The following KALRN variants were observed in gnomAD, a reference collection of about 807,000 sequenced individuals.
KALRN encodes the protein kalirin.
A neutral mutation model predicts 353.7 loss-of-function variants in KALRN; 70 were observed. That is an observed-to-expected ratio of 0.20 (90% confidence interval 0.16 to 0.24). The LOEUF is 0.24. Ranked by LOEUF, KALRN falls within the 10% of genes least tolerant of loss-of-function variation. The probability of loss-of-function intolerance (pLI) is 1.00; values close to 1 mark genes in which losing one functional copy is unlikely to be tolerated. For missense variants in KALRN, 2,791 were observed against 3,756.7 expected (o/e 0.74, Z 6.72); for synonymous variants, 1,391 against 1,434.8 (o/e 0.97, Z 0.69).
In KALRN at chr3:124,318,072, G is replaced by A. The variant is rs368164376; in HGVS notation, c.1093-7908G>A. Among the ~76,000 whole-genome samples, 61 of 152,266 alleles carry A rather than the reference G, an allele frequency of 4.0e-4. No homozygotes were observed. The South Asian group carries it at 0.013, about 32-fold the overall frequency. ...GTTTCCTGTGGCCTTTGGACATATG[G>A]CCAGGCGCTTGTTTTCATGGCTGCT... On this transcript the variant is annotated intron_variant, in intron 6 of 59. Transcript: ENST00000682506.
Position 124,492,781 on chromosome 3 carries a change from T to A in KALRN, c.4731T>A (p.Ile1577=), listed in dbSNP as rs765331355. 6.2e-7 allele frequency: 1 copy of A among 1,614,008 alleles called. No individual in the cohort carries two copies. Among genetic ancestry groups the A allele is most frequent in the Non-Finnish European group, 8.5e-7 (1 of 1,179,996 alleles). The change falls in exon 32 of 60, where the codon ATT becomes ATA. Residue 1577 remains isoleucine, a synonymous_variant. Coordinates refer to ENST00000682506, the MANE Select transcript of KALRN (RefSeq NM_001388419.1). ...CCAAGCAGGAGTGGATCAAGAACAT[T>A]CGAGAAGTGATTCAAGAAAGGATCA... ...IETKQEWIKN[I]REVIQERIIH... is the part of the protein sequence containing the mutation.
chr3:124,361,985 A>C (rs2084097131), intron 10 of KALRN, among the ~76,000 whole-genome samples: 1 of 152,070 alleles, frequency 6.6e-6, no homozygotes, highest in Non-Finnish European at 1.5e-5. Context: ...TGAGGTGGGC[A>C]ATGCTTTCCA....
intron 4 of KALRN, among the ~76,000 whole-genome samples, chr3:124,266,826 T>C (rs2073615075): frequency 6.6e-6 from 1 of 152,232 alleles, no homozygotes; most frequent in Non-Finnish European, 1.5e-5. Context: ...TCCAGAACAC[T>C]AGAAGTCCTG....
At chr3:124,623,010 C>G (rs2079454292) in intron 34 of KALRN, among the ~76,000 whole-genome samples, 1 of 152,044 alleles carries the variant, frequency 6.6e-6, no homozygotes, top group African/African-American at 2.4e-5. Context: ...TTAGTTATAT[C>G]AGATATAATA....
intron 11 of KALRN, among the ~76,000 whole-genome samples, chr3:124,388,391 C>T (rs2088773374): frequency 6.6e-6 from 1 of 151,956 alleles, no homozygotes; most frequent in African/African-American, 2.4e-5. Context: ...CAGACAAGAG[C>T]AGAGCACTGT....
chr3:124,078,204 T>C (rs1226436815), intron 1 of KALRN, among the ~76,000 whole-genome samples: 1 of 152,160 alleles, frequency 6.6e-6, no homozygotes, highest in African/African-American at 2.4e-5. Flanking sequence ...GCTGTAGGTA[T>C]TTGTGTACTT....
chr3:124,712,809 A>G, intron 57 of KALRN, 126 bp from the exon 58 acceptor site: 1 of 621,618 alleles, frequency 1.6e-6, no homozygotes, highest in Non-Finnish European at 2.8e-6. Flanking sequence ...ATAATTAAAA[A>G]TATAGGAGAG....
chr3:124,072,062 T>G (rs2060042591), intron 1 of KALRN, among the ~76,000 whole-genome samples: 1 of 152,222 alleles, frequency 6.6e-6, no homozygotes, highest in South Asian at 2.1e-4. Flanking sequence ...TTCAAGTTTT[T>G]TCTTCTAAGG....
At chr3:124,555,254 C>T (rs370563578) in intron 33 of KALRN, among the ~76,000 whole-genome samples, 150 of 151,876 alleles carry the variant, frequency 9.9e-4, no homozygotes, top group African/African-American at 2.9e-3. Flanking sequence ...GTTCTCAGCC[C>T]GGCGCAGTGG....
intron 1 of KALRN, among the ~76,000 whole-genome samples, chr3:124,219,955 T>G (rs928846917): frequency 6.6e-5 from 10 of 151,722 alleles, no homozygotes; most frequent in African/African-American, 1.9e-4. Flanking sequence ...TTTGTTTTGT[T>G]TTGTTTTGAG....
chr3:124,709,565 A>T (rs905445183), intron 57 of KALRN, among the ~76,000 whole-genome samples: 2 of 152,240 alleles, frequency 1.3e-5, no homozygotes, highest in African/African-American at 4.8e-5. Flanking sequence ...GGCGTGAGCC[A>T]CTGCACCTGA....
At chr3:124,504,550 A>G (rs1349071292) in intron 33 of KALRN, among the ~76,000 whole-genome samples, 1 of 152,210 alleles carries the variant, frequency 6.6e-6, no homozygotes, top group East Asian at 1.9e-4. Flanking sequence ...AAAGTAAATT[A>G]CAAAGTGGTT....
At chr3:124,332,756 T>C (rs569970520) in intron 8 of KALRN, among the ~76,000 whole-genome samples, 3 of 152,258 alleles carry the variant, frequency 2.0e-5, no homozygotes, top group East Asian at 1.9e-4. Context: ...AGCCTTTCTC[T>C]GCATGTTCTA....
intron 1 of KALRN, among the ~76,000 whole-genome samples, chr3:124,106,095 A>G (rs1282668338): frequency 6.6e-6 from 1 of 152,186 alleles, no homozygotes; most frequent in Non-Finnish European, 1.5e-5. Flanking sequence ...ACAGCTTGTG[A>G]TAAGTGCTCT....
At chr3:124,198,031 C>G (rs1055770060) in intron 1 of KALRN, among the ~76,000 whole-genome samples, 1 of 152,136 alleles carries the variant, frequency 6.6e-6, no homozygotes, top group Admixed American at 6.5e-5. Flanking sequence ...AAAAACAATA[C>G]CACATTTATA....
At chr3:124,196,164 T>A (rs2075404452) in intron 1 of KALRN, among the ~76,000 whole-genome samples, 1 of 152,192 alleles carries the variant, frequency 6.6e-6, no homozygotes, top group South Asian at 2.1e-4. Flanking sequence ...ATCCCTGATT[T>A]ATCATTTAAT....
intron 1 of KALRN, among the ~76,000 whole-genome samples, chr3:124,086,542 G>A (rs949233263): frequency 6.6e-6 from 1 of 151,778 alleles, no homozygotes; most frequent in Non-Finnish European, 1.5e-5. Context: ...TTTCTTAATG[G>A]TTTCTAGGAA....
chr3:124,637,329 CTG>C (rs750800762), intron 37 of KALRN, 26 bp downstream of exon 37: 13 of 1,513,566 alleles, frequency 8.6e-6, no homozygotes, highest in Non-Finnish European at 1.2e-5. Context: ...GGAGGCAGTT[CTG>C]TGTGTGTCTC....
At chr3:124,117,990 C>T (rs1053065586) in intron 1 of KALRN, among the ~76,000 whole-genome samples, 7 of 152,144 alleles carry the variant, frequency 4.6e-5, no homozygotes, top group African/African-American at 7.2e-5. Context: ...TAATGTTGAA[C>T]GTAAAATCTC....
Sources: allele counts gnomAD v4.1 joint callset (sites outside exome capture counted in the v4.1 genomes callset), GRCh38; gene constraint gnomAD v4.1.1; transcripts MANE v1.5; gene names NCBI Gene and HGNC (gene_info 2026-07-23, HGNC 2026-07-21).